Variants in NACAD observed in about 807,000 individuals in gnomAD.
NACAD encodes the protein NAC-alpha domain-containing protein 1.
A neutral mutation model predicts 98.9 loss-of-function variants in NACAD; 47 were observed. That is an observed-to-expected ratio of 0.48 (90% CI 0.38 to 0.61). The LOEUF (loss-of-function observed/expected upper bound fraction) is 0.61. Ranked by LOEUF, NACAD falls within the 20% of genes least tolerant of loss-of-function variation. The pLI, the probability that NACAD is intolerant of heterozygous loss-of-function variation, is 0.00. For synonymous variants in NACAD, 696 were observed against 767.2 expected (o/e 0.91, Z 1.53); for missense variants, 1,412 against 1,748.2 (o/e 0.81, Z 3.43).
chr7:45,082,068 C>T lies in NACAD; in HGVS notation c.4072+40G>A. ...CAGCTCTAAGGAGGAGTCCAGTTGA[C>T]CCAAGCCCCAGGGCACTTCACTCCC... is the stretch of plus-strand genomic sequence containing the variant. On this transcript the variant is annotated intron_variant, in intron 2 of 7. Coordinates refer to ENST00000490531, the MANE Select transcript of NACAD (RefSeq NM_001146334.2). This position sits in a 1 kb window ranked among gnomAD's most constrained non-coding sequence, Gnocchi z 4.5. 6.8e-7 allele frequency: 1 copy of T among 1,461,072 alleles called. No homozygotes were observed. The highest frequency in any genetic ancestry group is 9.0e-7 in the Non-Finnish European group (1 of 1,105,404). 90.5% of individuals were successfully genotyped at this position (1,461,072 alleles called of 1,614,324 possible).
rs1175364114 is a variant in NACAD, at chr7:45,086,061, C to T, written c.119G>A (p.Arg40Gln). Reference sequence around the variant, plus strand: ...CCCTGGGGTCAGAGCACAGGGCTCCCGCCGGTCCCCTCCCAGGATGGTGGT... The same window carrying T: ...CCCTGGGGTCAGAGCACAGGGCTCCTGCCGGTCCCCTCCCAGGATGGTGGT... ...AATTILGGDR[R>Q]EPCALTPGPS... The change falls in exon 2 of 8, where the codon CGG becomes CAG. Residue 40 changes from arginine (R) to glutamine (Q), a missense_variant. Arg to Gln is a conservative substitution (Grantham distance 43). Transcript: ENST00000490531. 3.9e-6 allele frequency: 6 copies of T among 1,536,180 alleles called. No homozygotes were observed. Among genetic ancestry groups the T allele is most frequent in the Admixed American group, 2.0e-5 (1 of 50,984 alleles).
In NACAD at chr7:45,083,252, C is replaced by T. The variant is rs1344496807; in HGVS notation, c.2928G>A (p.Arg976=). The T allele has an allele frequency of 6.4e-6, 10 of 1,550,994 alleles. No homozygotes were observed. The highest frequency in any genetic ancestry group is 7.8e-6 in the Non-Finnish European group (9 of 1,146,972). ...QQEVGEALGP[R]PAPEEKNAAL... is the part of the protein sequence containing the mutation. ...CTGCATTCTTCTCCTCAGGTGCTGG[C>T]CTGGGGCCTAAGGCCTCACCTACTT... The change falls in exon 2 of 8, where the codon AGG becomes AGA. Residue 976 remains arginine, a synonymous_variant. Coordinates refer to ENST00000490531, the MANE Select transcript of NACAD (RefSeq NM_001146334.2).
Position 45,081,639 on chromosome 7 carries a change from T to C in NACAD, c.4219A>G (p.Lys1407Glu). The C allele has an allele frequency of 6.4e-7, 1 of 1,551,426 alleles. No homozygotes were observed. Among genetic ancestry groups the C allele is most frequent in the South Asian group, 1.2e-5 (1 of 84,062 alleles). Residue 1407 changes from lysine (K) to glutamate (E), a missense_variant, in exon 4 of 8, where the codon AAA (lysine) becomes GAA (glutamate). Lys to Glu is a moderately conservative substitution (Grantham distance 56). Coordinates refer to ENST00000490531, the MANE Select transcript of NACAD (RefSeq NM_001146334.2). ...TTCTCACTGCGACTCTGCTTGGCTT[T>C]GGCGATGGTCTCCTCACTGCCGCCT... The part of the protein sequence containing the change: ...PAGGSEETIA[K>E]AKQSRSEKKA...
chr7:45,085,997 C>G lies in NACAD; in HGVS notation c.183G>C (p.Pro61=). The G allele has an allele frequency of 6.5e-7, 1 of 1,536,040 alleles. No homozygotes were observed. Residue 61 remains proline, a synonymous_variant, in exon 2 of 8, where the codon CCG becomes CCC. Transcript: ENST00000490531. The surrounding 1 kb of genome is among the most constrained non-coding windows in gnomAD (Gnocchi z 6.1). The part of the protein sequence containing the change: ...HLALTFLPSK[P]GARPQPEGAS... ...CTCCCTCGGGCTGGGGCCGGGCACCCGGCTTGCTGGGCAGGAACGTGAGGG... is the reference window on the plus strand; with the variant it reads ...CTCCCTCGGGCTGGGGCCGGGCACCGGGCTTGCTGGGCAGGAACGTGAGGG...
Position 45,082,960 on chromosome 7 carries a change from G to A in NACAD, c.3220C>T (p.Leu1074=). The stretch of plus-strand genomic sequence containing the variant: ...CCTTCCTGCTGGTTCTCAACCTCCA[G>A]GGTCTCCTTTTGGGGTGAGTCAGGC... ...AKPDSPQKET[L]EVENQQEGGL... The change falls in exon 2 of 8, where the codon CTG becomes TTG. Residue 1074 remains leucine, a synonymous_variant. Coordinates refer to ENST00000490531, the MANE Select transcript of NACAD (RefSeq NM_001146334.2). The surrounding 1 kb of genome is among the most constrained non-coding windows in gnomAD (Gnocchi z 4.5). 6.4e-7 allele frequency: 1 copy of A among 1,551,056 alleles called. No homozygotes were observed. Among genetic ancestry groups the A allele is most frequent in the Non-Finnish European group, 8.7e-7 (1 of 1,147,002 alleles).
At position 45,085,837 on chromosome 7, in the gene NACAD, G is replaced by A; in HGVS notation, c.343C>T (p.Leu115=). 6.5e-7 allele frequency: 1 copy of A among 1,542,078 alleles called. No homozygotes were observed. Among genetic ancestry groups the A allele is most frequent in the Non-Finnish European group, 8.7e-7 (1 of 1,142,982 alleles). The change falls in exon 2 of 8, where the codon CTG becomes TTG. Residue 115 remains leucine (L), a synonymous_variant. Transcript: ENST00000490531. This position sits in a 1 kb window ranked among gnomAD's most constrained non-coding sequence, Gnocchi z 6.1. The part of the protein sequence containing the change: ...LSTEAPLPAT[L]EPRIVMGEET... ...TCTCCCATCACAATCCGGGGCTCCA[G>A]GGTGGCCGGGAGAGGAGCCTCCGTG...
chr7:45,084,559 C>G lies in NACAD; in HGVS notation c.1621G>C (p.Val541Leu). 6.4e-7 allele frequency: 1 copy of G among 1,552,130 alleles called. No homozygotes were observed. The highest frequency in any genetic ancestry group is 2.0e-5 in the Admixed American group (1 of 51,012). ...GGAGTTGGAAGTTTTTCTGCAGTGA[C>G]AGACTCTTGGCCTAAGATCTCGCTG... ...GISEILGQES[V>L]TAEKLPTPQE... The change falls in exon 2 of 8, where the codon GTC (valine) becomes CTC (leucine). Residue 541 changes from valine to leucine, a missense_variant. Physicochemically the swap from Val to Leu is conservative, Grantham distance 32. Transcript: ENST00000490531.
rs143283938 is a variant in NACAD, at chr7:45,081,241, C to T, written c.4280G>A (p.Arg1427Gln). The part of the protein sequence containing the change: ...ARKAMSKLGL[R>Q]QIQGVTRITI... The stretch of plus-strand genomic sequence containing the variant: ...GATCCTGGTGACTCCCTGAATCTGC[C>T]GCAAGCCCAGCTTTGACATTGCCTG... The change falls in exon 5 of 8, where the codon CGG becomes CAG. Residue 1427 changes from arginine to glutamine, a missense_variant. Physicochemically the swap from Arg to Gln is conservative, Grantham distance 43. Around this residue, in one of 5 missense-constraint regions of NACAD, gnomAD observed 42 missense variants for 82.5 expected, o/e 0.51. Coordinates refer to ENST00000490531, the MANE Select transcript of NACAD (RefSeq NM_001146334.2). 3.2e-5 allele frequency: 49 copies of T among 1,551,406 alleles called. No homozygotes were observed. The highest frequency in any genetic ancestry group is 3.7e-5 in the Non-Finnish European group (42 of 1,146,982).
At position 45,088,902 on chromosome 7, in the gene NACAD, C is replaced by A; in HGVS notation, c.-8G>T. On this transcript the variant is annotated 5_prime_UTR_variant, in exon 1 of 8. Coordinates refer to ENST00000490531, the MANE Select transcript of NACAD (RefSeq NM_001146334.2). The surrounding 1 kb of genome is among the most constrained non-coding windows in gnomAD (Gnocchi z 5.7). ...GGCAGCCTCCCCAGGCATGGCCTGG[C>A]CGTGCGCCCGCCCGTCCCTCAGTCC... 7.0e-7 allele frequency: 1 copy of A among 1,420,644 alleles called. No individual in the cohort carries two copies. Among genetic ancestry groups the A allele is most frequent in the East Asian group, 3.0e-5 (1 of 33,064 alleles). 88.0% of individuals were successfully genotyped at this position (1,420,644 alleles called of 1,614,324 possible).
In NACAD at chr7:45,085,998, G is replaced by A; in HGVS notation, c.182C>T (p.Pro61Leu). Residue 61 changes from proline (P) to leucine (L), a missense_variant, in exon 2 of 8, where the codon CCG becomes CTG. Physicochemically the swap from Pro to Leu is moderately conservative, Grantham distance 98. Transcript: ENST00000490531. The surrounding 1 kb of genome is among the most constrained non-coding windows in gnomAD (Gnocchi z 6.1). The part of the protein sequence containing the change: ...HLALTFLPSK[P>L]GARPQPEGAS... The stretch of plus-strand genomic sequence containing the variant: ...TCCCTCGGGCTGGGGCCGGGCACCC[G>A]GCTTGCTGGGCAGGAACGTGAGGGC... 1.3e-6 allele frequency: 2 copies of A among 1,536,078 alleles called. No individual in the cohort carries two copies. Among genetic ancestry groups the A allele is most frequent in the Non-Finnish European group, 1.7e-6 (2 of 1,143,566 alleles).
chr7:45,088,923 A>G lies in NACAD; in HGVS notation c.-29T>C. ...CTGGCCGTGCGCCCGCCCGTCCCTC[A>G]GTCCTTCCGACCCTCCGTCAGTCCG... On this transcript the variant is annotated 5_prime_UTR_variant, in exon 1 of 8. Coordinates refer to ENST00000490531, the MANE Select transcript of NACAD (RefSeq NM_001146334.2). The surrounding 1 kb of genome is among the most constrained non-coding windows in gnomAD (Gnocchi z 5.7). 2.2e-6 allele frequency: 3 copies of G among 1,363,002 alleles called. No homozygotes were observed. The highest frequency in any genetic ancestry group is 2.8e-6 in the Non-Finnish European group (3 of 1,057,040). The allele number at this position is 1,363,002 out of a possible 1,614,324, so 84.4% of individuals were successfully genotyped here. A position where few individuals can be genotyped will look rare whatever the true frequency, so the allele number is the denominator to read the frequency against.
Position 45,084,458 on chromosome 7 carries a change from G to A in NACAD, c.1722C>T (p.Pro574=). Reference sequence around the variant, plus strand: ...CTGCAGCTACAGGCTTTCTGCCAGAGGGGAGGTCCAGCCCTCCTTCTTCCT... The same window carrying A: ...CTGCAGCTACAGGCTTTCTGCCAGAAGGGAGGTCCAGCCCTCCTTCTTCCT... ...NLKEEGGLDL[P]SGRKPVAAAT... Residue 574 remains proline (P), a synonymous_variant, in exon 2 of 8, where the codon CCC becomes CCT. Transcript: ENST00000490531. 1 of 1,552,008 alleles carries A rather than the reference G, an allele frequency of 6.4e-7. No individual in the cohort carries two copies.
In NACAD at chr7:45,082,680, C is replaced by T. The variant is rs572745121; in HGVS notation, c.3500G>A (p.Cys1167Tyr). 44 of 1,507,184 alleles carry T rather than the reference C, an allele frequency of 2.9e-5. No individual in the cohort carries two copies. Among genetic ancestry groups the T allele is most frequent in the Non-Finnish European group, 3.9e-5 (44 of 1,124,478 alleles). The allele number at this position is 1,507,184 out of a possible 1,614,324, so 93.4% of individuals were successfully genotyped here. The change falls in exon 2 of 8, where the codon TGC (cysteine) becomes TAC (tyrosine). Residue 1167 changes from cysteine to tyrosine, a missense_variant. By Grantham distance (194) the Cys-to-Tyr change is radical. Around this residue, in one of 5 missense-constraint regions of NACAD, gnomAD observed 572 missense variants for 639.6 expected, o/e 0.89. Transcript: ENST00000490531. This position sits in a 1 kb window ranked among gnomAD's most constrained non-coding sequence, Gnocchi z 4.5. ...VGAVSSLDRG[C>Y]PDAPAPTSAP... is the part of the protein sequence containing the mutation. ...AGACGTGGGGGCAGGCGCGTCAGGGCAGCCTCTGTCCAGACTGGACACAGC... is the reference window on the plus strand; with the variant it reads ...AGACGTGGGGGCAGGCGCGTCAGGGTAGCCTCTGTCCAGACTGGACACAGC...
rs1784551816 is a variant in NACAD at position 45,088,308 on chromosome 7, C to A, written c.67+520G>T. On this transcript the variant is annotated intron_variant, in intron 1 of 7. Coordinates refer to ENST00000490531, the MANE Select transcript of NACAD (RefSeq NM_001146334.2). The surrounding 1 kb of genome is among the most constrained non-coding windows in gnomAD (Gnocchi z 5.7). The stretch of plus-strand genomic sequence containing the variant: ...TCCAGACCCAACTTAGGCTTTATTC[C>A]ACCACCTGGCCCTCCATCCGGGCTT... Among the ~76,000 whole-genome samples the A allele has an allele frequency of 6.6e-6, 1 of 152,208 alleles. No homozygotes were observed. The highest frequency in any genetic ancestry group is 1.5e-5 in the Non-Finnish European group (1 of 68,036).
chr7:45,080,997 T>G lies in NACAD; in HGVS notation c.4430A>C (p.His1477Pro). 1 of 1,551,940 alleles carries G rather than the reference T, an allele frequency of 6.4e-7. No individual in the cohort carries two copies. The highest frequency in any genetic ancestry group is 8.7e-7 in the Non-Finnish European group (1 of 1,147,110). Reference sequence around the variant, plus strand: ...CTTAAACTTCTCAGCTGCGGCTTTGTGCACTTGCTGGGACAGGTCCTCAAT... The same window carrying G: ...CTTAAACTTCTCAGCTGCGGCTTTGGGCACTTGCTGGGACAGGTCCTCAAT... ...AKIEDLSQQV[H>P]KAAAEKFKVP... The change falls in exon 6 of 8, where the codon CAC becomes CCC. Residue 1477 changes from histidine (H) to proline (P), a missense_variant. Physicochemically the swap from His to Pro is moderately conservative, Grantham distance 77. Coordinates refer to ENST00000490531, the MANE Select transcript of NACAD (RefSeq NM_001146334.2).
chr7:45,081,863 C>G lies in NACAD; in HGVS notation c.4077G>C (p.Ser1359=), dbSNP rs1441040269. 6.5e-7 allele frequency: 1 copy of G among 1,544,834 alleles called. No individual in the cohort carries two copies. The highest frequency in any genetic ancestry group is 8.7e-7 in the Non-Finnish European group (1 of 1,146,838). Residue 1359 remains serine, a synonymous_variant, in exon 3 of 8, where the codon TCG becomes TCC. Coordinates refer to ENST00000490531, the MANE Select transcript of NACAD (RefSeq NM_001146334.2). ...GCTGGCCCGAGCCCAGGGCCCGAGGCGAGTCTGGGGAAGGGGAGAGGTGTG... is the reference window on the plus strand; with the variant it reads ...GCTGGCCCGAGCCCAGGGCCCGAGGGGAGTCTGGGGAAGGGGAGAGGTGTG... The part of the protein sequence containing the change: ...QEDEDSLEED[S]PRALGSGQHS...
rs1026686273 is a variant in NACAD, at chr7:45,084,629, T to G, written c.1551A>C (p.Gln517His). Residue 517 changes from glutamine to histidine, a missense_variant, in exon 2 of 8, where the codon CAA becomes CAC. By Grantham distance (24) the Gln-to-His change is conservative. This residue lies in a region of NACAD where 638 missense variants were observed against 722.7 expected (regional missense o/e 0.88). Coordinates refer to ENST00000490531, the MANE Select transcript of NACAD (RefSeq NM_001146334.2). The part of the protein sequence containing the change: ...GEEETDSTAG[Q>H]ESAAMAMPQP... ...GAGGCATTGCCATGGCAGCAGATTC[T>G]TGTCCAGCGGTGGAGTCTGTTTCTT... The G allele has an allele frequency of 3.2e-6, 5 of 1,551,512 alleles. No individual in the cohort carries two copies. The highest frequency in any genetic ancestry group is 4.4e-6 in the Non-Finnish European group (5 of 1,146,982).
At position 45,082,079 on chromosome 7, in the gene NACAD, G is replaced by A; in HGVS notation, c.4072+29C>T. On this transcript the variant is annotated intron_variant, in intron 2 of 7. Transcript: ENST00000490531. The surrounding 1 kb of genome is among the most constrained non-coding windows in gnomAD (Gnocchi z 4.5). ...AGGAGTCCAGTTGACCCAAGCCCCA[G>A]GGCACTTCACTCCCACCCTCTGCCT... The A allele has an allele frequency of 6.8e-7, 1 of 1,462,908 alleles. No homozygotes were observed. Among genetic ancestry groups the A allele is most frequent in the Non-Finnish European group, 9.0e-7 (1 of 1,106,280 alleles). 90.6% of individuals were successfully genotyped at this position (1,462,908 alleles called of 1,614,324 possible). A position where few individuals can be genotyped will look rare whatever the true frequency, so the allele number is the denominator to read the frequency against.
At chr7:45,081,073 C>T in intron 5 of NACAD, 44 bp downstream of exon 5, 1 of 1,551,042 alleles carries the variant, frequency 6.4e-7, no homozygotes, top group Non-Finnish European at 8.7e-7. Flanking sequence ...CCCCTTGTCC[C>T]CTATCCCTCG....
Sources: allele counts gnomAD v4.1 joint callset (sites outside exome capture counted in the v4.1 genomes callset), GRCh38; gene constraint gnomAD v4.1.1; regional missense constraint gnomAD v4.1.1; non-coding constraint Gnocchi (gnomAD v3.1); transcripts MANE v1.5; gene names NCBI Gene and HGNC (gene_info 2026-07-23, HGNC 2026-07-21).